Variants in NYX observed in about 807,000 individuals in gnomAD.
NYX encodes leucine-rich repeat protein.
For missense variants in NYX, 481 were observed against 485.4 expected (o/e 0.99, Z 0.09); for synonymous variants, 258 against 245.7 (o/e 1.05, Z -0.47).
At chrX:41,455,459 C>T (rs778454028) in intron 2 of NYX, among the ~76,000 whole-genome samples, 14 of 108,776 alleles carry the variant, frequency 1.3e-4, no homozygotes, top group Non-Finnish European at 2.7e-4. Context: ...ATGAGAGTGT[C>T]CTCAGAGTTT....
chrX:41,472,752 C>T (rs1045763903), intron 2 of NYX: 1 of 290,466 alleles, frequency 3.4e-6, no homozygotes, highest in Non-Finnish European at 6.0e-6. Context: ...GCCTGGGTTC[C>T]GCCTGCGCCA....
rs185918162 is a variant in NYX, at chrX:41,448,220, G to A, written c.22+294G>A. Among the ~76,000 whole-genome samples, 141 of 111,585 alleles carry A rather than the reference G, an allele frequency of 1.3e-3. 1 individual carries two copies. The highest frequency in any genetic ancestry group is 4.3e-3 in the African/African-American group (133 of 30,769). On this transcript the variant is annotated intron_variant, in intron 2 of 2. Transcript: ENST00000378220. ...GAATTCATTGGTGTGATAACCAAAA[G>A]CTACAGTGCTACAGTGTTTTTTTGT...
chrX:41,450,615 A>G (rs1421398204), intron 2 of NYX, among the ~76,000 whole-genome samples: 1 of 102,595 alleles, frequency 9.7e-6, no homozygotes, highest in Non-Finnish European at 2.0e-5. Context: ...TAAAATCACA[A>G]TGAGGTGCCA....
rs111666247 is a variant in NYX at position 41,472,526 on chromosome X, T to G, written c.23-965T>G. Reference sequence around the variant, plus strand: ...CAAGGATTCTTGAGCTATGGAACACTCCTGGATTTCAAGAACCTCTGACTA... The same window carrying G: ...CAAGGATTCTTGAGCTATGGAACACGCCTGGATTTCAAGAACCTCTGACTA... On this transcript the variant is annotated intron_variant, in intron 2 of 2. Coordinates refer to ENST00000378220, the MANE Select transcript of NYX (RefSeq NM_001378477.3). 327 of 596,080 alleles carry G rather than the reference T, an allele frequency of 5.5e-4. 1 individual carries two copies. The African/African-American group carries it at 6.6e-3, about 12-fold the overall frequency. The allele number at this position is 596,080 out of a possible 1,213,427, so 49.1% of individuals were successfully genotyped here.
chrX:41,462,167 T>A (rs2064322745), intron 2 of NYX, among the ~76,000 whole-genome samples: 1 of 112,199 alleles, frequency 8.9e-6, no homozygotes, highest in South Asian at 3.7e-4. Context: ...AGTCATTGCT[T>A]TTTATTGCTG....
chrX:41,463,683 C>T (rs3013118), intron 2 of NYX, among the ~76,000 whole-genome samples: 1 of 109,703 alleles, frequency 9.1e-6, no homozygotes, highest in Non-Finnish European at 1.9e-5. Context: ...GGCCTCCCAA[C>T]GTGCTGGGAT....
In NYX at chrX:41,473,800, G is replaced by C; in HGVS notation, c.332G>C (p.Arg111Pro). The stretch of plus-strand genomic sequence containing the variant: ...GGCCTGCCGCGCCTGGCTGAGCTGC[G>C]CCTGGCGCACAACGGCGACCTGCGC... ...FKGLPRLAEL[R>P]LAHNGDLRYL... is the part of the protein sequence containing the mutation. Residue 111 changes from arginine to proline, a missense_variant, in exon 3 of 3, where the codon CGC becomes CCC. Transcript: ENST00000378220. 1 of 1,126,740 alleles carries C rather than the reference G, an allele frequency of 8.9e-7. No individual in the cohort carries two copies. Among genetic ancestry groups the C allele is most frequent in the Non-Finnish European group, 1.2e-6 (1 of 859,864 alleles). 92.9% of individuals were successfully genotyped at this position (1,126,740 alleles called of 1,213,427 possible). A position where few individuals can be genotyped will look rare whatever the true frequency, so the allele number is the denominator to read the frequency against.
intron 2 of NYX, among the ~76,000 whole-genome samples, chrX:41,471,591 TGTCTC>T (rs2064360320): frequency 8.9e-6 from 1 of 111,935 alleles, no homozygotes; most frequent in Non-Finnish European, 1.9e-5. Flanking sequence ...ACCCTTATTT[TGTCTC>T]CTGCTAAATC....
At chrX:41,449,799 T>C (rs759008286) in intron 2 of NYX, among the ~76,000 whole-genome samples, 25 of 111,782 alleles carry the variant, frequency 2.2e-4, no homozygotes, top group Admixed American at 8.7e-4. Context: ...GGTGACATCA[T>C]TTGCTAACAA....
rs1020933618 is a variant in NYX, at chrX:41,462,902, G to A, written c.23-10589G>A. On this transcript the variant is annotated intron_variant, in intron 2 of 2. Coordinates refer to ENST00000378220, the MANE Select transcript of NYX (RefSeq NM_001378477.3). ...AATATTTTCTCACAGTCTATTGCCC[G>A]TCTTTTCATTTACTTTGCAGTGTCT... Among the ~76,000 whole-genome samples the A allele has an allele frequency of 6.3e-5, 7 of 111,682 alleles. No homozygotes were observed. The East Asian group carries it at 1.1e-3, about 18-fold the overall frequency.
chrX:41,472,295 C>T (rs774885351), intron 2 of NYX: 2 of 1,132,347 alleles, frequency 1.8e-6, no homozygotes, highest in Non-Finnish European at 2.4e-6. Context: ...GTCACTACAT[C>T]GGAGCAGCGC....
rs1410695431 is a variant in NYX at position 41,460,891 on chromosome X, T to C, written c.23-12600T>C. On this transcript the variant is annotated intron_variant, in intron 2 of 2. Transcript: ENST00000378220. Reference sequence around the variant, plus strand: ...CACAGTATGTATTTTTTTTTTTTTTTTTTTTTTTTTTTTTTGGTCTGGCTC... The same window carrying C: ...CACAGTATGTATTTTTTTTTTTTTTCTTTTTTTTTTTTTTTGGTCTGGCTC... Among the ~76,000 whole-genome samples the C allele has an allele frequency of 7.2e-5, 7 of 96,786 alleles. No individual in the cohort carries two copies. In the East Asian group the frequency reaches 1.3e-3, roughly 18 times the overall value. 84.0% of individuals were successfully genotyped at this position (96,786 alleles called of 115,157 possible). A position where few individuals can be genotyped will look rare whatever the true frequency, so the allele number is the denominator to read the frequency against.
At chrX:41,466,978 A>G (rs1186894185) in intron 2 of NYX, among the ~76,000 whole-genome samples, 1 of 108,137 alleles carries the variant, frequency 9.2e-6, no homozygotes, top group Non-Finnish European at 1.9e-5. Flanking sequence ...GTTTGTTTGT[A>G]GTTTTAGTAG....
rs1167863867 is a variant in NYX, at chrX:41,474,916, A to G, written c.*17A>G. The G allele has an allele frequency of 8.5e-7, 1 of 1,173,313 alleles. No individual in the cohort carries two copies. The highest frequency in any genetic ancestry group is 2.3e-5 in the Admixed American group (1 of 43,190). On this transcript the variant is annotated 3_prime_UTR_variant, in exon 3 of 3. Coordinates refer to ENST00000378220, the MANE Select transcript of NYX (RefSeq NM_001378477.3). Reference sequence around the variant, plus strand: ...ATGGACTGACCTGGCCAGAGGGGGGAAAGTTTGCTTAACTGGGCTTGAGTG... The same window carrying G: ...ATGGACTGACCTGGCCAGAGGGGGGGAAGTTTGCTTAACTGGGCTTGAGTG...
At position 41,474,656 on chromosome X, in the gene NYX, G is replaced by A. The variant is rs139558261; in HGVS notation, c.1188G>A (p.Pro396=). ...ELNLTTSSPG[P]SPEPAATTVS... ...ACCTCACCACGTCCAGTCCAGGCCC[G>A]TCCCCAGAACCAGCGGCCACCACCG... The change falls in exon 3 of 3, where the codon CCG becomes CCA. Residue 396 remains proline, a synonymous_variant. Coordinates refer to ENST00000378220, the MANE Select transcript of NYX (RefSeq NM_001378477.3). 2.3e-4 allele frequency: 273 copies of A among 1,197,416 alleles called. No individual in the cohort carries two copies. The African/African-American group carries it at 4.3e-3, about 19-fold the overall frequency.
intron 2 of NYX, among the ~76,000 whole-genome samples, chrX:41,468,652 A>C (rs2064348997): frequency 8.9e-6 from 1 of 112,105 alleles, no homozygotes; most frequent in Non-Finnish European, 1.9e-5. Flanking sequence ...TTAATTCTAC[A>C]AACGTTTATT....
chrX:41,473,931 G>GCCCTGCGCGAACTCGCCGC lies in NYX; in HGVS notation c.465_483dup (p.Phe162ProfsTer116). The GCCCTGCGCGAACTCGCCGC allele has an allele frequency of 9.0e-7, 1 of 1,113,818 alleles. No homozygotes were observed. The highest frequency in any genetic ancestry group is 1.2e-6 in the Non-Finnish European group (1 of 853,389). 91.8% of individuals were successfully genotyped at this position (1,113,818 alleles called of 1,213,427 possible). ...CGAGCGCCTCCTGGCCGAACTGCCG[G>GCCCTGCGCGAACTCGCCGC]CCCTGCGCGAACTCGCCGCCTTCGA... is the stretch of plus-strand genomic sequence containing the variant. On this transcript the variant is annotated frameshift_variant, in exon 3 of 3. Coordinates refer to ENST00000378220, the MANE Select transcript of NYX (RefSeq NM_001378477.3). LOFTEE classifies it low-confidence loss of function (END_TRUNC).
At chrX:41,469,651 A>G (rs2147022716) in intron 2 of NYX, among the ~76,000 whole-genome samples, 1 of 108,851 alleles carries the variant, frequency 9.2e-6, no homozygotes, top group African/African-American at 3.4e-5. Context: ...GGTTCAAGCA[A>G]TTCTCCTGCT....
intron 2 of NYX, among the ~76,000 whole-genome samples, chrX:41,468,166 A>G (rs748523166): frequency 4.5e-5 from 5 of 111,890 alleles, no homozygotes; most frequent in Non-Finnish European, 9.4e-5. Flanking sequence ...GTACATTGAG[A>G]AGCTTCAGTC....
Sources: allele counts gnomAD v4.1 joint callset (sites outside exome capture counted in the v4.1 genomes callset), GRCh38; gene constraint gnomAD v4.1.1; transcripts MANE v1.5; gene names NCBI Gene and HGNC (gene_info 2026-07-23, HGNC 2026-07-21).